LIMCH1: variants seen among roughly 807,000 people sequenced by gnomAD.
LIMCH1 encodes the protein LIM and calponin homology domains-containing protein 1.
Under a neutral mutation model 176.5 loss-of-function variants are expected in LIMCH1, and 113 were observed. The ratio of observed to expected loss-of-function variants is 0.64; its 90% CI spans 0.55 to 0.75. The LOEUF (loss-of-function observed/expected upper bound fraction) is 0.75, where lower values mean the gene tolerates loss of function less well. Among genes scored for constraint, LIMCH1 ranks in the 30% least tolerant of loss-of-function variants. The pLI is 0.00. For missense variants in LIMCH1, 1,674 were observed against 1,814.9 expected, an observed-to-expected ratio of 0.92 and a Z score of 1.41; for synonymous variants, 619 against 645.9, an observed-to-expected ratio of 0.96 and a Z score of 0.63.
chr4:41,370,296 C>T (rs1256986754), intron 1 of LIMCH1, among the ~76,000 whole-genome samples: 2 of 152,114 alleles, frequency 1.3e-5, no homozygotes, highest in Non-Finnish European at 2.9e-5. Flanking sequence ...AGATAGAGCA[C>T]TTCCAATGAT....
chr4:41,679,638 A>G (rs564928151), intron 23 of LIMCH1, among the ~76,000 whole-genome samples: 1 of 152,222 alleles, frequency 6.6e-6, no homozygotes, highest in African/African-American at 2.4e-5. Context: ...GCAGCAATGC[A>G]TTTCTATTAG....
intron 1 of LIMCH1, among the ~76,000 whole-genome samples, chr4:41,472,660 C>T (rs969344166): frequency 1.3e-5 from 2 of 152,032 alleles, no homozygotes; most frequent in African/African-American, 2.4e-5. Context: ...CTAAAGCGAT[C>T]GCCCACCTTG....
chr4:41,414,744 T>G, intron 1 of LIMCH1, among the ~76,000 whole-genome samples: 1 of 152,292 alleles, frequency 6.6e-6, no homozygotes, highest in Middle Eastern at 3.4e-3. Context: ...TGATAAGGTT[T>G]TATAATTTGT....
At chr4:41,535,162 C>CA (rs61639965), upstream of LIMCH1, among the ~76,000 whole-genome samples, 4,444 of 83,918 alleles carry the variant, frequency 0.053, 136 homozygotes, top group African/African-American at 0.08. Flanking sequence ...GACCCTGTCA[C>CA]AAAAAAAAAA....
At chr4:41,513,233 C>T (rs1345099135) in intron 2 of LIMCH1, among the ~76,000 whole-genome samples, 1 of 152,214 alleles carries the variant, frequency 6.6e-6, no homozygotes, top group African/African-American at 2.4e-5. Flanking sequence ...GATGTTATTA[C>T]TTAAATACTA....
At chr4:41,363,904 C>T (rs892939741) in intron 1 of LIMCH1, among the ~76,000 whole-genome samples, 2 of 152,148 alleles carry the variant, frequency 1.3e-5, no homozygotes, top group African/African-American at 2.4e-5. Context: ...ACTGTGGCTA[C>T]CAGCAGGCAG....
At position 41,467,158 on chromosome 4, in the gene LIMCH1, T is replaced by TACACAC. The variant is rs148147336; in HGVS notation, c.97-27336_97-27331dup. Among the ~76,000 whole-genome samples, 1,395 of 143,480 alleles carry TACACAC rather than the reference T, an allele frequency of 9.7e-3. 12 individuals are homozygous for TACACAC. The highest frequency in any genetic ancestry group is 0.019 in the African/African-American group (748 of 39,132). The allele number at this position is 143,480 out of a possible 152,430, so 94.1% of individuals were successfully genotyped here. On this transcript the variant is annotated intron_variant, in intron 1 of 26. Coordinates refer to the LIMCH1 transcript ENST00000313860. ...CCATATATATATGTGTATGTATATATACACACACACACACACACACACACA... is the reference window on the plus strand; with the variant it reads ...CCATATATATATGTGTATGTATATATACACACACACACACACACACACACACACACA...
intron 1 of LIMCH1, among the ~76,000 whole-genome samples, chr4:41,369,844 C>T (rs556734057): frequency 6.6e-6 from 1 of 151,768 alleles, no homozygotes; most frequent in South Asian, 2.1e-4. Flanking sequence ...AGCGCTTTCT[C>T]AGTGAGTCTG....
At chr4:41,687,601 G>T (rs1032509313) in intron 28 of LIMCH1, among the ~76,000 whole-genome samples, 10 of 151,876 alleles carry the variant, frequency 6.6e-5, no homozygotes, top group African/African-American at 2.4e-4. Flanking sequence ...GTTCAGCAAT[G>T]CCAGCATGCC....
chr4:41,480,519 A>C (rs185174279), intron 1 of LIMCH1, among the ~76,000 whole-genome samples: 1 of 152,298 alleles, frequency 6.6e-6, no homozygotes, highest in Non-Finnish European at 1.5e-5. Context: ...AGGCAGGAGA[A>C]TCTCTTGAAC....
intron 1 of LIMCH1, among the ~76,000 whole-genome samples, chr4:41,369,933 A>G (rs1341401746): frequency 4.8e-5 from 3 of 62,436 alleles, no homozygotes; most frequent in Non-Finnish European, 8.4e-5. Context: ...CCCTGACAGG[A>G]AGCAAAGTGT....
chr4:41,632,641 C>A, intron 10 of LIMCH1, 108 bp from the exon 11 acceptor site: 1 of 836,084 alleles, frequency 1.2e-6, no homozygotes. Context: ...GGAATGAGAG[C>A]AGCCACATTC....
intron 22 of LIMCH1, among the ~76,000 whole-genome samples, chr4:41,673,732 G>A (rs2095126862): frequency 6.6e-6 from 1 of 152,162 alleles, no homozygotes; most frequent in Admixed American, 6.5e-5. Context: ...AAAATATAAG[G>A]TCTTGGGGTA....
At chr4:41,386,174 A>AAACTG (rs2056466294) in intron 1 of LIMCH1, among the ~76,000 whole-genome samples, 2 of 152,214 alleles carry the variant, frequency 1.3e-5, no homozygotes, top group African/African-American at 2.4e-5. Context: ...TAGTAGCACC[A>AAACTG]AACTGGTCGT....
rs112887057 is a variant in LIMCH1 at position 41,364,128 on chromosome 4, A to C, written c.96+3192A>C. 2.4e-4 allele frequency among the ~76,000 whole-genome samples: 37 copies of C among 152,346 alleles called. 1 individual carries two copies. In the South Asian group the frequency reaches 5.0e-3, roughly 20 times the overall value. On this transcript the variant is annotated intron_variant, in intron 1 of 26. Transcript: ENST00000313860. Reference sequence around the variant, plus strand: ...TAGCTCTAGTTGTTAGCAACAACAAAAATGACTAAGAGTTATTATTGAGAG... The same window carrying C: ...TAGCTCTAGTTGTTAGCAACAACAACAATGACTAAGAGTTATTATTGAGAG...
At chr4:41,388,800 G>A (rs961073121) in intron 1 of LIMCH1, among the ~76,000 whole-genome samples, 4 of 151,964 alleles carry the variant, frequency 2.6e-5, no homozygotes, top group East Asian at 1.9e-4. Context: ...CTGCCACCAC[G>A]CCCAACTAAT....
At chr4:41,448,724 C>A (rs181270298) in intron 1 of LIMCH1, among the ~76,000 whole-genome samples, 194 of 152,236 alleles carry the variant, frequency 1.3e-3, no homozygotes, top group South Asian at 2.1e-3. Context: ...CTTTAGTTAT[C>A]ATTTCCCAAC....
At chr4:41,602,811 C>T (rs2090160044) in intron 2 of LIMCH1, among the ~76,000 whole-genome samples, 1 of 151,580 alleles carries the variant, frequency 6.6e-6, no homozygotes, top group Non-Finnish European at 1.5e-5. Context: ...AGTCTCAAAA[C>T]AACAACAACA....
chr4:41,619,361 A>G lies in LIMCH1; in HGVS notation c.379A>G (p.Lys127Glu). 6.2e-7 allele frequency: 1 copy of G among 1,614,124 alleles called. No individual in the cohort carries two copies. ...QTAYVPAPLR[K>E]KKAEREEYRK... Reference sequence around the variant, plus strand: ...GGCCTACGTCCCCGCGCCTCTGAGAAAGAAGAAAGCAGAGAGAGAGGAATA... The same window carrying G: ...GGCCTACGTCCCCGCGCCTCTGAGAGAGAAGAAAGCAGAGAGAGAGGAATA... The change falls in exon 6 of 32, where the codon AAG becomes GAG. Residue 127 changes from lysine to glutamate, a missense_variant. Coordinates refer to ENST00000503057, the MANE Select transcript of LIMCH1 (RefSeq NM_001330672.2).
Sources: gnomAD v4.1 joint callset for allele counts (sites outside exome capture counted in the v4.1 genomes callset) on GRCh38, gnomAD v4.1.1 for gene constraint, MANE v1.5 for transcripts, NCBI Gene and HGNC (gene_info 2026-07-23, HGNC 2026-07-21) for gene names.